CDH12: variants seen among roughly 807,000 people sequenced by gnomAD.
CDH12 encodes the protein cadherin 12, also known as cadherin-12.
CDH12 carries 41 observed loss-of-function variants against 74.1 expected under a neutral mutation model. That is an observed-to-expected ratio of 0.55 (90% CI 0.43 to 0.72). The LOEUF (loss-of-function observed/expected upper bound fraction) is 0.72. CDH12 is among the 30% of genes least tolerant of loss of function. The probability of loss-of-function intolerance (pLI) is 0.00; values close to 1 mark genes in which losing one functional copy is unlikely to be tolerated. For missense variants in CDH12, 945 were observed against 977.2 expected (o/e 0.97, Z 0.44); for synonymous variants, 399 against 355.0 (o/e 1.12, Z -1.39).
At chr5:22,446,771 C>T (rs1013056139) in intron 2 of CDH12, among the ~76,000 whole-genome samples, 12 of 152,054 alleles carry the variant, frequency 7.9e-5, no homozygotes, top group Admixed American at 7.9e-4. Context: ...TGACCATCTA[C>T]AACATTTCCA....
At chr5:22,160,465 C>G (rs1580341556) in intron 4 of CDH12, among the ~76,000 whole-genome samples, 2 of 152,028 alleles carry the variant, frequency 1.3e-5, no homozygotes, top group East Asian at 3.9e-4. Flanking sequence ...GTAAATCATT[C>G]TCTGAGATAA....
At chr5:22,343,323 CAGAG>C (rs377016972) in intron 3 of CDH12, among the ~76,000 whole-genome samples, 4,356 of 135,644 alleles carry the variant, frequency 0.032, 100 homozygotes, top group East Asian at 0.046. Context: ...GACACACACA[CAGAG>C]AGAGAGAGAG....
At chr5:21,950,351 T>G (rs192681608) in intron 6 of CDH12, among the ~76,000 whole-genome samples, 71 of 152,204 alleles carry the variant, frequency 4.7e-4, no homozygotes, top group Non-Finnish European at 9.1e-4. Flanking sequence ...TTAAAAACAC[T>G]ATAAATAAAT....
intron 1 of CDH12, among the ~76,000 whole-genome samples, chr5:22,585,879 T>C (rs1433378957): frequency 2.0e-5 from 3 of 152,172 alleles, no homozygotes; most frequent in African/African-American, 7.2e-5. Flanking sequence ...GGAACAATTT[T>C]ACACTGTTGG....
chr5:22,332,313 CT>C (rs1350596270), intron 3 of CDH12, among the ~76,000 whole-genome samples: 1 of 152,106 alleles, frequency 6.6e-6, no homozygotes, highest in Admixed American at 6.5e-5. Flanking sequence ...AGGCAGCAGA[CT>C]TTTTAGTGAA....
chr5:22,837,916 T>C (rs1581050305), intron 1 of CDH12, among the ~76,000 whole-genome samples: 1 of 152,206 alleles, frequency 6.6e-6, no homozygotes, highest in Non-Finnish European at 1.5e-5. Flanking sequence ...CTCTGTCCTA[T>C]ATATCAATTT....
chr5:22,580,808 T>C lies in CDH12; in HGVS notation c.-522-75444A>G, dbSNP rs1196809281. 1.7e-5 allele frequency: 4 copies of C among 230,286 alleles called. No homozygotes were observed. In the Admixed American group the frequency reaches 1.8e-4, roughly 10 times the overall value. 14.3% of individuals were successfully genotyped at this position (230,286 alleles called of 1,614,324 possible). On this transcript the variant is annotated intron_variant, in intron 1 of 14. Transcript: ENST00000382254. ...TTGTTTTCTCCCATTAACAACTTGA[T>C]CTTATTAACAACATTATGTTATCAT...
chr5:22,076,564 T>C (rs1344143449), intron 5 of CDH12, among the ~76,000 whole-genome samples: 2 of 152,182 alleles, frequency 1.3e-5, no homozygotes, highest in East Asian at 1.9e-4. Flanking sequence ...TTTTAGATTA[T>C]GTTCCCCTTC....
At chr5:21,807,245 C>A (rs765464974) in intron 9 of CDH12, among the ~76,000 whole-genome samples, 2 of 152,226 alleles carry the variant, frequency 1.3e-5, no homozygotes, top group Middle Eastern at 3.4e-3. Flanking sequence ...ATGATGACAT[C>A]CCCAACGAAT....
At chr5:22,481,352 G>A (rs1456910378) in intron 2 of CDH12, among the ~76,000 whole-genome samples, 4 of 152,058 alleles carry the variant, frequency 2.6e-5, no homozygotes, top group South Asian at 2.1e-4. Flanking sequence ...TCCGGTTATC[G>A]ATATTCAGAA....
chr5:22,293,339 T>G (rs1357220592), intron 3 of CDH12, among the ~76,000 whole-genome samples: 1 of 152,168 alleles, frequency 6.6e-6, no homozygotes, highest in Non-Finnish European at 1.5e-5. Flanking sequence ...TCTGCAGAAG[T>G]AAATTTGCCT....
chr5:22,046,317 T>C (rs1739946967), intron 5 of CDH12, among the ~76,000 whole-genome samples: 1 of 152,142 alleles, frequency 6.6e-6, no homozygotes, highest in Non-Finnish European at 1.5e-5. Flanking sequence ...CTGCCACCAT[T>C]CTGACAAAGT....
rs576329281 is a variant in CDH12 at position 22,639,570 on chromosome 5, A to G, written c.-522-134206T>C. 1.0e-3 allele frequency among the ~76,000 whole-genome samples: 155 copies of G among 152,098 alleles called. 2 individuals are homozygous for G. The highest frequency in any genetic ancestry group is 9.5e-3 in the Admixed American group (145 of 15,280). ...ACTGAATTGGAACCAAGAGGGACCC[A>G]GACTCTTGGTTGGGCCATCAAGAGT... On this transcript the variant is annotated intron_variant, in intron 1 of 14. Transcript: ENST00000382254.
chr5:22,685,195 C>T (rs959236285), intron 1 of CDH12, among the ~76,000 whole-genome samples: 6 of 152,178 alleles, frequency 3.9e-5, no homozygotes, highest in African/African-American at 1.4e-4. Context: ...GAAACCATTC[C>T]TATAATCCAA....
At chr5:22,343,008 T>A (rs979365774) in intron 3 of CDH12, among the ~76,000 whole-genome samples, 1 of 151,378 alleles carries the variant, frequency 6.6e-6, no homozygotes, top group Non-Finnish European at 1.5e-5. Context: ...GAGCCAACCA[T>A]CATGCCTGGC....
At chr5:22,367,972 T>C (rs1397209514) in intron 3 of CDH12, among the ~76,000 whole-genome samples, 1 of 152,166 alleles carries the variant, frequency 6.6e-6, no homozygotes, top group Middle Eastern at 3.2e-3. Context: ...CTTTTACTTA[T>C]TTATGCATTA....
At chr5:22,812,551 A>G (rs1749202394) in intron 1 of CDH12, among the ~76,000 whole-genome samples, 1 of 152,136 alleles carries the variant, frequency 6.6e-6, no homozygotes, top group African/African-American at 2.4e-5. Context: ...GCTGGCCCTG[A>G]CAGTATGTGA....
At chr5:22,413,372 G>C (rs1353105894) in intron 2 of CDH12, among the ~76,000 whole-genome samples, 1 of 151,884 alleles carries the variant, frequency 6.6e-6, no homozygotes, top group African/African-American at 2.4e-5. Context: ...CTAGGACAGA[G>C]TGCTAAGGAG....
chr5:21,778,340 C>T (rs1745708149), intron 11 of CDH12, among the ~76,000 whole-genome samples: 1 of 151,934 alleles, frequency 6.6e-6, no homozygotes, highest in African/African-American at 2.4e-5. Flanking sequence ...TGAGTTAATG[C>T]ATAGAAAGCT....
Sources: gnomAD v4.1 joint callset for allele counts (sites outside exome capture counted in the v4.1 genomes callset) on GRCh38, gnomAD v4.1.1 for gene constraint, MANE v1.5 for transcripts, NCBI Gene and HGNC (gene_info 2026-07-23, HGNC 2026-07-21) for gene names.